The following TTC7B variants were observed in gnomAD, a reference collection of about 807,000 sequenced individuals.
The protein encoded by TTC7B is tetratricopeptide repeat domain 7B.
TTC7B carries 28 observed loss-of-function variants against 106.8 expected under a neutral mutation model. The observed-to-expected ratio is 0.26, with a 90% CI of 0.19 to 0.36. The LOEUF (loss-of-function observed/expected upper bound fraction) is 0.36. Ranked by LOEUF, TTC7B falls within the 10% of genes least tolerant of loss-of-function variation. The pLI, the probability that TTC7B is intolerant of heterozygous loss-of-function variation, is 1.00. For synonymous variants in TTC7B, 405 were observed against 430.6 expected (o/e 0.94, Z 0.74); for missense variants, 862 against 1,076.4 (o/e 0.80, Z 2.79).
intron 3 of TTC7B, among the ~76,000 whole-genome samples, chr14:90,760,088 G>A (rs140778986): frequency 6.6e-6 from 1 of 152,346 alleles, no homozygotes; most frequent in East Asian, 1.9e-4. Context: ...ATAAATAGAG[G>A]TGGAATCAGA....
chr14:90,590,844 G>T (rs181704273), intron 18 of TTC7B, among the ~76,000 whole-genome samples: 1 of 152,214 alleles, frequency 6.6e-6, no homozygotes, highest in African/African-American at 2.4e-5. Flanking sequence ...TCATTCATTC[G>T]TCCTACACAC....
At chr14:90,553,236 G>A (rs1203426817) in intron 19 of TTC7B, among the ~76,000 whole-genome samples, 1 of 152,236 alleles carries the variant, frequency 6.6e-6, no homozygotes, top group Non-Finnish European at 1.5e-5. Flanking sequence ...CAGGGGCTGC[G>A]CTATCATGGG....
chr14:90,620,339 C>A (rs569577296), intron 15 of TTC7B, among the ~76,000 whole-genome samples: 180 of 152,320 alleles, frequency 1.2e-3, no homozygotes, highest in African/African-American at 4.0e-3. Context: ...AATGGGATGG[C>A]AGCCGCTCAG....
At chr14:90,675,845 A>T (rs1886813402) in intron 9 of TTC7B, 1 of 152,058 alleles carries the variant, frequency 6.6e-6, no homozygotes, top group African/African-American at 2.4e-5. Context: ...AGATAAAGTG[A>T]TCTTCTTGTT....
chr14:90,677,756 C>T (rs575182231), intron 8 of TTC7B: 10 of 447,424 alleles, frequency 2.2e-5, no homozygotes, highest in Admixed American at 1.2e-4. Context: ...ACTAATGAGA[C>T]AAAATGCATT....
In TTC7B at chr14:90,658,476, G is replaced by C. The variant is rs190843582; in HGVS notation, c.1153-89C>G. ...GTGAGTTTGTATCTATGCACACTAA[G>C]GTAAGTCCCATAAAATCTGCTTCCC... On this transcript the variant is annotated intron_variant, in intron 9 of 19. Transcript: ENST00000328459. 62 of 1,239,680 alleles carry C rather than the reference G, an allele frequency of 5.0e-5. No individual in the cohort carries two copies. The Admixed American group carries it at 1.1e-3, about 21-fold the overall frequency. 76.8% of individuals were successfully genotyped at this position (1,239,680 alleles called of 1,614,324 possible). A position where few individuals can be genotyped will look rare whatever the true frequency, so the allele number is the denominator to read the frequency against.
chr14:90,577,555 G>A lies in TTC7B; in HGVS notation c.2310+551C>T, dbSNP rs1891308702. On this transcript the variant is annotated intron_variant, in intron 19 of 19. Transcript: ENST00000328459. This position sits in a 1 kb window ranked among gnomAD's most constrained non-coding sequence, Gnocchi z 5.0. ...CACCCCTGTGCAGTGTGGACACTAG[G>A]GTGACTCATCTGCCTCCCACCTCTC... Among the ~76,000 whole-genome samples, 3 of 152,150 alleles carry A rather than the reference G, an allele frequency of 2.0e-5. No individual in the cohort carries two copies. In the East Asian group the frequency reaches 5.8e-4, roughly 29 times the overall value.
rs1294555 is a variant in TTC7B at position 90,534,472 on chromosome 14, C to G, written c.*6896G>C. On this transcript the variant is annotated 3_prime_UTR_variant, in exon 20 of 20. Transcript: ENST00000328459. ...AGGCAGGATGGACAGGGCAAGCAGACGCTAGGGGAGGGATGGGAGCAGCCA... is the reference window on the plus strand; with the variant it reads ...AGGCAGGATGGACAGGGCAAGCAGAGGCTAGGGGAGGGATGGGAGCAGCCA... The G allele has an allele frequency of 0.67, 101,943 of 152,466 alleles. 34,277 individuals carry two copies. The highest frequency in any genetic ancestry group is 0.73 in the South Asian group (3,505 of 4,824). The allele number at this position is 152,466 out of a possible 1,614,324, so 9.4% of individuals were successfully genotyped here. A position where few individuals can be genotyped will look rare whatever the true frequency, so the allele number is the denominator to read the frequency against.
At chr14:90,733,839 G>A (rs76430973) in intron 4 of TTC7B, among the ~76,000 whole-genome samples, 6,664 of 152,216 alleles carry the variant, frequency 0.044, 192 homozygotes, top group Non-Finnish European at 0.06. Flanking sequence ...TCTATACAAT[G>A]GGGATAATAA....
intron 7 of TTC7B, among the ~76,000 whole-genome samples, chr14:90,683,982 C>T (rs1595278800): frequency 6.6e-6 from 1 of 152,182 alleles, no homozygotes; most frequent in South Asian, 2.1e-4. Context: ...CTGGCCAGTG[C>T]CTGGCTCGGG....
chr14:90,687,169 C>T (rs1887280122), intron 7 of TTC7B, among the ~76,000 whole-genome samples: 1 of 152,154 alleles, frequency 6.6e-6, no homozygotes, highest in Admixed American at 6.5e-5. Context: ...CTGAATTGCA[C>T]ACCTTCAATG....
At chr14:90,695,031 T>TTTTTTATTTTATTATAAAATATA (rs1887662048) in intron 6 of TTC7B, among the ~76,000 whole-genome samples, 1 of 55,648 alleles carries the variant, frequency 1.8e-5, no homozygotes, top group Non-Finnish European at 3.4e-5. Flanking sequence ...ATATGTATAT[T>TTTTTTATTTTATTATAAAATATA]TTTTATTTTA....
intron 9 of TTC7B, among the ~76,000 whole-genome samples, chr14:90,669,037 T>C (rs1886529103): frequency 6.6e-6 from 1 of 152,088 alleles, no homozygotes; most frequent in Non-Finnish European, 1.5e-5. Flanking sequence ...GGAACAGAAT[T>C]AAGATTCCAG....
chr14:90,604,919 C>T (rs1023532788), intron 17 of TTC7B, among the ~76,000 whole-genome samples: 3 of 152,162 alleles, frequency 2.0e-5, no homozygotes, highest in African/African-American at 7.2e-5. Flanking sequence ...CATAGTTTCA[C>T]GACACAAACC....
At chr14:90,652,733 G>A in intron 13 of TTC7B, 108 bp downstream of exon 13, 1 of 1,288,758 alleles carries the variant, frequency 7.8e-7, no homozygotes, top group Non-Finnish European at 1.1e-6. Context: ...AAGACTCTCA[G>A]GGGTAAAACA....
At chr14:90,753,785 T>G (rs1166870057) in intron 3 of TTC7B, among the ~76,000 whole-genome samples, 3 of 152,176 alleles carry the variant, frequency 2.0e-5, no homozygotes, top group Non-Finnish European at 2.9e-5. Context: ...TTAGGAGGTG[T>G]GCTCACAGGT....
In TTC7B at chr14:90,526,667, T is replaced by C. The variant is rs1889156113; in HGVS notation, c.*14701A>G. The stretch of plus-strand genomic sequence containing the variant: ...TGAATCATGGGGGTGGCTACCCTCA[T>C]GCTGTTCTCATGATAGTGAGTTCTC... On this transcript the variant is annotated 3_prime_UTR_variant, in exon 20 of 20. Coordinates refer to ENST00000328459, the MANE Select transcript of TTC7B (RefSeq NM_001010854.2). The C allele has an allele frequency of 6.6e-6, 1 of 152,214 alleles. No individual in the cohort carries two copies. The highest frequency in any genetic ancestry group is 2.4e-5 in the African/African-American group (1 of 41,448). The allele number at this position is 152,214 out of a possible 1,614,324, so 9.4% of individuals were successfully genotyped here.
rs146270163 is a variant in TTC7B at position 90,593,511 on chromosome 14, C to A, written c.2082G>T (p.Thr694=). 1 of 1,607,754 alleles carries A rather than the reference C, an allele frequency of 6.2e-7. No homozygotes were observed. The highest frequency in any genetic ancestry group is 8.5e-7 in the Non-Finnish European group (1 of 1,176,446). Residue 694 remains threonine, a synonymous_variant, in exon 18 of 20, where the codon ACG becomes ACT. Transcript: ENST00000328459. Reference sequence around the variant, plus strand: ...CTGCATGGAGCCAGATCTGTGCCAGCGTCATCCAGGGGTGCAGCGGGCCCT... The same window carrying A: ...CTGCATGGAGCCAGATCTGTGCCAGAGTCATCCAGGGGTGCAGCGGGCCCT... ...PKQGPLHPWM[T]LAQIWLHAAE...
At chr14:90,743,691 C>G (rs1566866546) in intron 4 of TTC7B, among the ~76,000 whole-genome samples, 1 of 152,242 alleles carries the variant, frequency 6.6e-6, no homozygotes, top group Non-Finnish European at 1.5e-5. Flanking sequence ...GTTCACGAAT[C>G]TGGGCTAAGT....
Sources: allele counts gnomAD v4.1 joint callset (sites outside exome capture counted in the v4.1 genomes callset), GRCh38; gene constraint gnomAD v4.1.1; non-coding constraint Gnocchi (gnomAD v3.1); transcripts MANE v1.5; gene names NCBI Gene and HGNC (gene_info 2026-07-23, HGNC 2026-07-21).